Variants in DLG2 observed in about 807,000 individuals in gnomAD.
The protein encoded by DLG2 is disks large homolog 2.
In DLG2, 45 loss-of-function variants were observed where a neutral mutation model predicts 132.5. The ratio of observed to expected loss-of-function variants is 0.34; its 90% confidence interval spans 0.27 to 0.44. The LOEUF (loss-of-function observed/expected upper bound fraction) is 0.44, where lower values mean the gene tolerates loss of function less well. Among genes scored for constraint, DLG2 ranks in the 20% least tolerant of loss-of-function variants. The pLI is 1.00. For synonymous variants in DLG2, 424 were observed against 419.6 expected (o/e 1.01, Z -0.13); for missense variants, 1,045 against 1,196.9 (o/e 0.87, Z 1.87).
intron 6 of DLG2, among the ~76,000 whole-genome samples, chr11:84,592,632 A>G (rs2099546165): frequency 6.6e-6 from 1 of 152,058 alleles, no homozygotes; most frequent in South Asian, 2.1e-4. Context: ...AAAAAAAGAA[A>G]TAACCCCATC....
Position 85,270,477 on chromosome 11 carries a change from T to C in DLG2, c.186+14743A>G, listed in dbSNP as rs373579448. Among the ~76,000 whole-genome samples the C allele has an allele frequency of 3.7e-4, 56 of 152,290 alleles. No individual in the cohort carries two copies. The South Asian group carries it at 0.012, about 32-fold the overall frequency. ...ACAAGCTAATACAGTAATTTGGTAC[T>C]GACAGTGGGGTGCTGCTGAAAAGAT... On this transcript the variant is annotated intron_variant, in intron 4 of 27. Transcript: ENST00000376104.
intron 6 of DLG2, among the ~76,000 whole-genome samples, chr11:84,687,914 G>C (rs1167833872): frequency 6.6e-6 from 1 of 152,082 alleles, no homozygotes; most frequent in Non-Finnish European, 1.5e-5. Context: ...GATTTCAGAT[G>C]CAAATAAAAT....
At chr11:84,973,619 TC>T (rs2054428765) in intron 6 of DLG2, among the ~76,000 whole-genome samples, 1 of 152,216 alleles carries the variant, frequency 6.6e-6, no homozygotes, top group South Asian at 2.1e-4. Context: ...GAGGAAAATG[TC>T]TTATACTTCT....
intron 8 of DLG2, among the ~76,000 whole-genome samples, chr11:84,184,749 A>T (rs1166122230): frequency 6.6e-6 from 1 of 151,928 alleles, no homozygotes; most frequent in African/African-American, 2.4e-5. Context: ...ATTTTTGTAT[A>T]AGGTGTAAGG....
chr11:84,544,402 A>T (rs1218368534), intron 6 of DLG2, among the ~76,000 whole-genome samples: 1 of 152,200 alleles, frequency 6.6e-6, no homozygotes, highest in African/African-American at 2.4e-5. Flanking sequence ...CACTGTCTTG[A>T]GTAATTCTCT....
intron 8 of DLG2, among the ~76,000 whole-genome samples, chr11:84,235,030 A>G (rs1408409003): frequency 1.3e-5 from 2 of 152,224 alleles, no homozygotes; most frequent in South Asian, 2.1e-4. Flanking sequence ...CACCTGCCTA[A>G]TAAGAACCTT....
chr11:85,160,159 T>C (rs1356966765), intron 4 of DLG2, among the ~76,000 whole-genome samples: 1 of 152,188 alleles, frequency 6.6e-6, no homozygotes, highest in Non-Finnish European at 1.5e-5. Context: ...GTACTTGGAT[T>C]TTGGAAGCAA....
chr11:84,564,625 T>C (rs2154526745), intron 6 of DLG2, among the ~76,000 whole-genome samples: 1 of 152,366 alleles, frequency 6.6e-6, no homozygotes, highest in African/African-American at 2.4e-5. Context: ...ATATGGTTTT[T>C]CTTTAACAAA....
intron 6 of DLG2, among the ~76,000 whole-genome samples, chr11:84,822,691 T>C (rs946251705): frequency 2.6e-5 from 4 of 152,056 alleles, no homozygotes; most frequent in South Asian, 4.1e-4. Context: ...TTGTATTTTC[T>C]TATGGAGAGA....
rs140283874 is a variant in DLG2 at position 85,483,654 on chromosome 11, G to C, written c.40+115003C>G. Among the ~76,000 whole-genome samples, 552 of 152,216 alleles carry C rather than the reference G, an allele frequency of 3.6e-3. 4 individuals are homozygous for C. The highest frequency in any genetic ancestry group is 0.013 in the African/African-American group (528 of 41,548). ...TGAAGGTTAAAAGACAATCTATTAAGAATAATAGGCCAGGCGTGGTGGCTC... is the reference window on the plus strand; with the variant it reads ...TGAAGGTTAAAAGACAATCTATTAACAATAATAGGCCAGGCGTGGTGGCTC... On this transcript the variant is annotated intron_variant, in intron 3 of 27. Transcript: ENST00000376104.
At chr11:84,060,891 C>A (rs1033521695) in intron 10 of DLG2, among the ~76,000 whole-genome samples, 5 of 152,256 alleles carry the variant, frequency 3.3e-5, no homozygotes, top group African/African-American at 1.2e-4. Flanking sequence ...TCATTGCTAC[C>A]ACCCTGGTTG....
intron 6 of DLG2, among the ~76,000 whole-genome samples, chr11:84,961,312 ACCTC>A (rs1234315976): frequency 6.6e-6 from 1 of 151,818 alleles, no homozygotes; most frequent in Admixed American, 6.6e-5. Context: ...CTACCCCACT[ACCTC>A]CCTATGTTAT....
chr11:84,081,668 A>C (rs956676550), intron 10 of DLG2, among the ~76,000 whole-genome samples: 1 of 152,200 alleles, frequency 6.6e-6, no homozygotes, highest in African/African-American at 2.4e-5. Context: ...ATGTAGCTGC[A>C]TAGTATTCCA....
chr11:85,445,378 C>A (rs1159146088), intron 3 of DLG2, among the ~76,000 whole-genome samples: 1 of 152,112 alleles, frequency 6.6e-6, no homozygotes, highest in Non-Finnish European at 1.5e-5. Context: ...TGATAGGAGT[C>A]TCAAAATTGA....
intron 7 of DLG2, among the ~76,000 whole-genome samples, chr11:84,266,716 C>T (rs1257463777): frequency 6.6e-6 from 1 of 152,184 alleles, no homozygotes; most frequent in Non-Finnish European, 1.5e-5. Flanking sequence ...TCAAACTATA[C>T]ATCCAGGGAC....
At chr11:84,138,919 A>C (rs1351630838) in intron 9 of DLG2, among the ~76,000 whole-genome samples, 1 of 148,102 alleles carries the variant, frequency 6.8e-6, no homozygotes, top group Non-Finnish European at 1.5e-5. Context: ...ACTGCATCCC[A>C]AACTGCATGG....
At chr11:84,738,144 TGA>T (rs2153819851) in intron 6 of DLG2, among the ~76,000 whole-genome samples, 1 of 152,176 alleles carries the variant, frequency 6.6e-6, no homozygotes, top group South Asian at 2.1e-4. Context: ...TCATCCATCC[TGA>T]GAGAAGAGCA....
chr11:84,614,924 G>C (rs1313921112), intron 6 of DLG2, among the ~76,000 whole-genome samples: 1 of 152,020 alleles, frequency 6.6e-6, no homozygotes, highest in Admixed American at 6.6e-5. Context: ...GTAGCTATAT[G>C]AGCCCTGCCA....
At chr11:83,569,274 C>A (rs147483498) in intron 19 of DLG2, among the ~76,000 whole-genome samples, 143 of 151,754 alleles carry the variant, frequency 9.4e-4, no homozygotes, top group Middle Eastern at 3.4e-3. Context: ...CTCTGAAGGC[C>A]ATTATAAATC....
Sources: allele counts gnomAD v4.1 joint callset (sites outside exome capture counted in the v4.1 genomes callset), GRCh38; gene constraint gnomAD v4.1.1; transcripts MANE v1.5; gene names NCBI Gene and HGNC (gene_info 2026-07-23, HGNC 2026-07-21).